Variants in SLC41A2 observed in about 807,000 individuals in gnomAD.
SLC41A2 encodes solute carrier family 41 member 2, also known as SLC41A1-like 1.
SLC41A2 carries 32 observed loss-of-function variants against 58.3 expected under a neutral mutation model. The observed-to-expected ratio is 0.55, with a 90% CI of 0.41 to 0.74. The LOEUF is 0.74. Among genes scored for constraint, SLC41A2 ranks in the 30% least tolerant of loss-of-function variants. The probability of loss-of-function intolerance (pLI) is 0.00; values close to 1 mark genes in which losing one functional copy is unlikely to be tolerated. For missense variants in SLC41A2, 514 were observed against 680.6 expected (o/e 0.76, Z 2.72); for synonymous variants, 190 against 235.0 (o/e 0.81, Z 1.75).
chr12:104,874,246 T>C (rs2043937813), intron 6 of SLC41A2, among the ~76,000 whole-genome samples: 1 of 151,982 alleles, frequency 6.6e-6, no homozygotes, highest in African/African-American at 2.4e-5. Context: ...GGTAATTTTT[T>C]TGTATTTTTA....
rs79221259 is a variant in SLC41A2, at chr12:104,933,835, T to A, written c.-167-5141A>T. Among the ~76,000 whole-genome samples, 1,085 of 152,190 alleles carry A rather than the reference T, an allele frequency of 7.1e-3. 19 individuals are homozygous for A. Among genetic ancestry groups the A allele is most frequent in the African/African-American group, 0.024 (980 of 41,508 alleles). ...AACTCAGGAATGGAAAACCAACTAC[T>A]GCATGTTCTTAGTTTTAAGTGGGAG... On this transcript the variant is annotated intron_variant, in intron 1 of 10. Coordinates refer to ENST00000258538, the MANE Select transcript of SLC41A2 (RefSeq NM_001352171.3).
chr12:104,821,270 T>G (rs987531337), intron 10 of SLC41A2, among the ~76,000 whole-genome samples: 1 of 152,152 alleles, frequency 6.6e-6, no homozygotes, highest in African/African-American at 2.4e-5. Flanking sequence ...TTTAAAAACC[T>G]TAATTTGAGA....
intron 3 of SLC41A2, among the ~76,000 whole-genome samples, chr12:104,904,429 T>A (rs891376189): frequency 6.6e-6 from 1 of 152,202 alleles, no homozygotes; most frequent in Non-Finnish European, 1.5e-5. Context: ...TTGAGTTCTA[T>A]CTACCTAGGT....
At chr12:104,955,798 T>C (rs140606041) in intron 1 of SLC41A2, among the ~76,000 whole-genome samples, 179 of 152,024 alleles carry the variant, frequency 1.2e-3, no homozygotes, top group Middle Eastern at 6.8e-3. Flanking sequence ...GCTGAATTTG[T>C]GTGCGCTCGG....
At chr12:104,849,735 G>A (rs1390561104) in intron 8 of SLC41A2, among the ~76,000 whole-genome samples, 1 of 152,224 alleles carries the variant, frequency 6.6e-6, no homozygotes, top group African/African-American at 2.4e-5. Context: ...GACTGAGGCA[G>A]GAGGATGGCT....
At chr12:104,956,679 C>CAAAT (rs150289339) in intron 1 of SLC41A2, among the ~76,000 whole-genome samples, 6,721 of 151,022 alleles carry the variant, frequency 0.045, 209 homozygotes, top group East Asian at 0.11. Flanking sequence ...AGTCAGTCTC[C>CAAAT]AAATAAATAA....
chr12:104,850,972 G>T (rs1021766439), intron 8 of SLC41A2, among the ~76,000 whole-genome samples: 1 of 152,174 alleles, frequency 6.6e-6, no homozygotes, highest in Non-Finnish European at 1.5e-5. Context: ...CTCAAACTAT[G>T]TGGGTTTTTC....
chr12:104,809,524 T>C (rs1044579407), intron 10 of SLC41A2, among the ~76,000 whole-genome samples: 1 of 152,234 alleles, frequency 6.6e-6, no homozygotes, highest in Non-Finnish European at 1.5e-5. Context: ...CAATTCTTCA[T>C]TAGTGTTTCA....
intron 6 of SLC41A2, among the ~76,000 whole-genome samples, chr12:104,876,959 GCT>G (rs1464842121): frequency 6.6e-6 from 1 of 152,028 alleles, no homozygotes; most frequent in Non-Finnish European, 1.5e-5. Flanking sequence ...ATATTTAGGT[GCT>G]CTGATATTAT....
chr12:104,867,823 T>C (rs1033771752), intron 6 of SLC41A2, among the ~76,000 whole-genome samples: 1 of 151,536 alleles, frequency 6.6e-6, no homozygotes, highest in Non-Finnish European at 1.5e-5. Flanking sequence ...TTACCCCAAC[T>C]CTTATCTTTG....
At chr12:104,881,649 A>G (rs2044376307) in intron 6 of SLC41A2, among the ~76,000 whole-genome samples, 1 of 152,148 alleles carries the variant, frequency 6.6e-6, no homozygotes, top group South Asian at 2.1e-4. Context: ...CTTAATCCTG[A>G]GTTCTAATGA....
At chr12:104,929,418 A>G (rs1458593019) in intron 1 of SLC41A2, among the ~76,000 whole-genome samples, 3 of 152,246 alleles carry the variant, frequency 2.0e-5, no homozygotes, top group African/African-American at 7.2e-5. Context: ...GCCAGAAGAA[A>G]GCTTGTAACG....
intron 10 of SLC41A2, chr12:104,833,982 C>G (rs766908840): frequency 2.0e-6 from 2 of 977,128 alleles, no homozygotes; most frequent in Non-Finnish European, 2.4e-6. Flanking sequence ...GCACAGGAAG[C>G]AATGTCCTAA....
chr12:104,890,639 C>G (rs1193589901), intron 4 of SLC41A2, among the ~76,000 whole-genome samples: 1 of 151,996 alleles, frequency 6.6e-6, no homozygotes, highest in Non-Finnish European at 1.5e-5. Flanking sequence ...CTAATTGTAC[C>G]CAAGAGAAAG....
At chr12:104,855,079 CAT>C (rs2042971894) in intron 8 of SLC41A2, among the ~76,000 whole-genome samples, 1 of 152,200 alleles carries the variant, frequency 6.6e-6, no homozygotes. Flanking sequence ...AACGTACCCA[CAT>C]GTCTCTTCTC....
At chr12:104,855,851 G>A (rs1237741991) in intron 8 of SLC41A2, among the ~76,000 whole-genome samples, 1 of 152,162 alleles carries the variant, frequency 6.6e-6, no homozygotes, top group Non-Finnish European at 1.5e-5. Flanking sequence ...AACTGACACA[G>A]GAAACACCAA....
intron 6 of SLC41A2, among the ~76,000 whole-genome samples, chr12:104,878,073 T>C (rs2044142984): frequency 6.6e-6 from 1 of 151,904 alleles, no homozygotes; most frequent in Non-Finnish European, 1.5e-5. Context: ...ATTATTTTCC[T>C]CAATAGTTGT....
intron 10 of SLC41A2, among the ~76,000 whole-genome samples, chr12:104,825,344 C>T (rs2136254851): frequency 6.6e-6 from 1 of 152,296 alleles, no homozygotes; most frequent in East Asian, 1.9e-4. Context: ...CAGTGGTAGC[C>T]AGGACCCCAC....
At chr12:104,854,456 G>A (rs1240568215) in intron 8 of SLC41A2, among the ~76,000 whole-genome samples, 2 of 151,996 alleles carry the variant, frequency 1.3e-5, no homozygotes, top group African/African-American at 4.8e-5. Context: ...CCAGCTACTC[G>A]GGAGGCTGAG....
Sources: allele counts gnomAD v4.1 joint callset (sites outside exome capture counted in the v4.1 genomes callset), GRCh38; gene constraint gnomAD v4.1.1; transcripts MANE v1.5; gene names NCBI Gene and HGNC (gene_info 2026-07-23, HGNC 2026-07-21).